The following SMYD3 variants were observed in gnomAD, a reference collection of about 807,000 sequenced individuals.
The protein encoded by SMYD3 is SET and MYND domain containing 3.
SMYD3 carries 36 observed loss-of-function variants against 57.7 expected under a neutral mutation model. The observed-to-expected ratio is 0.62, with a 90% CI of 0.48 to 0.82. SMYD3 has a LOEUF of 0.82. Ranked by LOEUF, SMYD3 falls within the 40% of genes least tolerant of loss-of-function variation. SMYD3 has a pLI of 0.00. For missense variants in SMYD3, 515 were observed against 538.8 expected (o/e 0.96, Z 0.44); for synonymous variants, 211 against 195.0 (o/e 1.08, Z -0.68).
chr1:246,208,214 C>T (rs1000277958), intron 5 of SMYD3, among the ~76,000 whole-genome samples: 1 of 152,084 alleles, frequency 6.6e-6, no homozygotes, highest in Admixed American at 6.6e-5. Flanking sequence ...CCTGCAAGAG[C>T]CATCATAATG....
intron 5 of SMYD3, among the ~76,000 whole-genome samples, chr1:246,310,449 G>A (rs1156597920): frequency 6.6e-6 from 1 of 152,148 alleles, no homozygotes; most frequent in East Asian, 1.9e-4. Context: ...AATAATGGAA[G>A]TTGCTGCCCT....
chr1:246,177,151 A>G (rs1313129262), intron 5 of SMYD3, among the ~76,000 whole-genome samples: 1 of 152,214 alleles, frequency 6.6e-6, no homozygotes, highest in Non-Finnish European at 1.5e-5. Flanking sequence ...TTAAGAAATC[A>G]GGTGATTTAA....
intron 5 of SMYD3, among the ~76,000 whole-genome samples, chr1:246,312,530 C>T (rs535943726): frequency 5.9e-5 from 9 of 152,234 alleles, no homozygotes; most frequent in South Asian, 2.1e-4. Context: ...ATTCCTGGCA[C>T]GGCTGGCTCA....
chr1:246,225,575 G>A (rs977689054), intron 5 of SMYD3, among the ~76,000 whole-genome samples: 13 of 152,100 alleles, frequency 8.5e-5, no homozygotes, highest in African/African-American at 2.7e-4. Context: ...GAGCGAGCCC[G>A]CACCAGCACA....
chr1:246,304,613 A>G (rs1396484112), intron 5 of SMYD3, among the ~76,000 whole-genome samples: 1 of 152,192 alleles, frequency 6.6e-6, no homozygotes, highest in Non-Finnish European at 1.5e-5. Context: ...ATGAAAATCC[A>G]CTTACTAGCA....
intron 5 of SMYD3, among the ~76,000 whole-genome samples, chr1:246,243,792 A>C (rs1472935461): frequency 6.6e-6 from 1 of 151,958 alleles, no homozygotes; most frequent in African/African-American, 2.4e-5. Flanking sequence ...TTGGTGTAGA[A>C]AGAATTCTTA....
At chr1:246,116,524 A>C (rs1440412780) in intron 5 of SMYD3, among the ~76,000 whole-genome samples, 1 of 152,234 alleles carries the variant, frequency 6.6e-6, no homozygotes, top group Admixed American at 6.5e-5. Context: ...CAGTGAAAAG[A>C]GGCACTAGTT....
chr1:246,029,063 A>C (rs1169418784), intron 5 of SMYD3, among the ~76,000 whole-genome samples: 1 of 152,228 alleles, frequency 6.6e-6, no homozygotes. Context: ...CACTGTATAC[A>C]AAAGTAAACT....
intron 5 of SMYD3, among the ~76,000 whole-genome samples, chr1:246,319,229 C>G (rs1275858880): frequency 1.3e-5 from 2 of 152,186 alleles, no homozygotes; most frequent in African/African-American, 4.8e-5. Context: ...GCCTGCTTTA[C>G]TTAACACCAG....
At chr1:246,125,020 C>A (rs187673368) in intron 5 of SMYD3, among the ~76,000 whole-genome samples, 1 of 148,296 alleles carries the variant, frequency 6.7e-6, no homozygotes. Flanking sequence ...TGCAGTGAGC[C>A]GAGATCGCGC....
intron 1 of SMYD3, among the ~76,000 whole-genome samples, chr1:246,436,046 G>T (rs2067367547): frequency 6.6e-6 from 1 of 152,072 alleles, no homozygotes; most frequent in Non-Finnish European, 1.5e-5. Flanking sequence ...GGAAATAGGT[G>T]GCAAGTTTTT....
intron 10 of SMYD3, among the ~76,000 whole-genome samples, chr1:245,853,486 C>A (rs182084545): frequency 6.6e-6 from 1 of 152,316 alleles, no homozygotes; most frequent in Admixed American, 6.5e-5. Context: ...GTCAGGAAGG[C>A]AGGCCCAAAG....
intron 5 of SMYD3, among the ~76,000 whole-genome samples, chr1:246,170,411 CTT>C (rs34758534): frequency 4.2e-5 from 6 of 141,248 alleles, no homozygotes; most frequent in Non-Finnish European, 3.1e-5. Context: ...ACACTCATTA[CTT>C]TTTTTTTTTT....
intron 8 of SMYD3, among the ~76,000 whole-genome samples, chr1:245,909,609 T>C (rs1167046405): frequency 1.3e-5 from 2 of 152,032 alleles, no homozygotes; most frequent in African/African-American, 2.4e-5. Flanking sequence ...AAAAAGATCA[T>C]TCATCATAAT....
rs1414705605 is a variant in SMYD3, at chr1:246,481,462, C to T, written c.164+25592G>A. 3.3e-5 allele frequency among the ~76,000 whole-genome samples: 5 copies of T among 150,760 alleles called. No individual in the cohort carries two copies. In the South Asian group the frequency reaches 1.0e-3, roughly 32 times the overall value. On this transcript the variant is annotated intron_variant, in intron 1 of 11. Transcript: ENST00000490107. ...CTCTCTCTCTCTCTGATTACTTGAG[C>T]TGAGACATCAGTCTTCTCTTGCTCT...
chr1:246,459,268 G>C (rs2067756017), intron 1 of SMYD3, among the ~76,000 whole-genome samples: 2 of 144,500 alleles, frequency 1.4e-5, no homozygotes, highest in African/African-American at 5.2e-5. Context: ...TCGTGATAGA[G>C]TCCTCAAGAG....
At chr1:246,008,575 C>T (rs1338313859) in intron 5 of SMYD3, among the ~76,000 whole-genome samples, 1 of 152,156 alleles carries the variant, frequency 6.6e-6, no homozygotes, top group African/African-American at 2.4e-5. Context: ...AAAATAAATA[C>T]TAGAGGCTCT....
At chr1:245,827,371 T>C (rs894894337) in intron 10 of SMYD3, among the ~76,000 whole-genome samples, 7 of 152,158 alleles carry the variant, frequency 4.6e-5, no homozygotes, top group African/African-American at 1.7e-4. Context: ...CGCTGCCCAT[T>C]AGCTACAGAG....
intron 5 of SMYD3, among the ~76,000 whole-genome samples, chr1:246,107,278 T>C (rs1358693300): frequency 3.3e-5 from 5 of 151,416 alleles, no homozygotes; most frequent in Non-Finnish European, 5.9e-5. Context: ...CAGAGCAAGA[T>C]TCCATCGCAA....
Sources: allele counts gnomAD v4.1 joint callset (sites outside exome capture counted in the v4.1 genomes callset), GRCh38; gene constraint gnomAD v4.1.1; transcripts MANE v1.5; gene names NCBI Gene and HGNC (gene_info 2026-07-23, HGNC 2026-07-21).